The following HOXA3 variants were observed in gnomAD, a reference collection of about 807,000 sequenced individuals.
HOXA3 encodes the protein homeobox A3.
In HOXA3, 8 loss-of-function variants were observed where a neutral mutation model predicts 30.3. The ratio of observed to expected loss-of-function variants is 0.26; its 90% CI spans 0.15 to 0.48. The LOEUF (loss-of-function observed/expected upper bound fraction) is 0.48, where lower values mean the gene tolerates loss of function less well. HOXA3 is among the 20% of genes least tolerant of loss of function. HOXA3 has a pLI of 0.99. For synonymous variants in HOXA3, 323 were observed against 273.1 expected (o/e 1.18, Z -1.80); for missense variants, 653 against 614.4 (o/e 1.06, Z -0.66).
In HOXA3 at chr7:27,108,651, G is replaced by T; in HGVS notation, c.596C>A (p.Thr199Lys). The T allele has an allele frequency of 6.2e-7, 1 of 1,613,986 alleles. No individual in the cohort carries two copies. The highest frequency in any genetic ancestry group is 8.5e-7 in the Non-Finnish European group (1 of 1,179,932). Residue 199 changes from threonine (T) to lysine (K), a missense_variant, in exon 6 of 6, where the codon ACG becomes AAG. By Grantham distance (78) the Thr-to-Lys change is moderately conservative. Coordinates refer to ENST00000612286, the MANE Select transcript of HOXA3 (RefSeq NM_153631.3). This position sits in a 1 kb window ranked among gnomAD's most constrained non-coding sequence, Gnocchi z 5.0. ...ASSKRARTAY[T>K]SAQLVELEKE... ...CTCCAGCTCCACCAGCTGCGCGCTCGTGTAGGCCGTGCGCGCGCGCTTGGA... is the reference window on the plus strand; with the variant it reads ...CTCCAGCTCCACCAGCTGCGCGCTCTTGTAGGCCGTGCGCGCGCGCTTGGA...
intron 4 of HOXA3, chr7:27,120,883 T>C (rs1326821831): frequency 6.6e-6 from 1 of 152,210 alleles, no homozygotes; most frequent in Non-Finnish European, 1.5e-5. Context: ...TGCAATCCAG[T>C]TTCCTGGAGC....
intron 4 of HOXA3, chr7:27,114,032 G>A (rs1231370568): frequency 6.6e-6 from 1 of 151,654 alleles, no homozygotes; most frequent in Non-Finnish European, 1.5e-5. Flanking sequence ...AGCAGCGTCT[G>A]GTCCGGGGGT....
At position 27,108,381 on chromosome 7, in the gene HOXA3, T is replaced by G; in HGVS notation, c.866A>C (p.Tyr289Ser). 6.3e-7 allele frequency: 1 copy of G among 1,587,536 alleles called. No individual in the cohort carries two copies. The highest frequency in any genetic ancestry group is 1.7e-4 in the Middle Eastern group (1 of 5,972). The change falls in exon 6 of 6, where the codon TAT becomes TCT. Residue 289 changes from tyrosine to serine, a missense_variant. Coordinates refer to ENST00000612286, the MANE Select transcript of HOXA3 (RefSeq NM_153631.3). This position sits in a 1 kb window ranked among gnomAD's most constrained non-coding sequence, Gnocchi z 5.0. ...SMHSLVNSVP[Y>S]EPQSPPPFSK... ...GAAGGGCGGGGGCGACTGGGGCTCA[T>G]ACGGGACGCTGTTGACCAGCGAATG...
intron 3 of HOXA3, among the ~76,000 whole-genome samples, chr7:27,125,522 C>T (rs968136443): frequency 2.6e-5 from 4 of 152,234 alleles, no homozygotes; most frequent in Non-Finnish European, 5.9e-5. Flanking sequence ...ACAGAACACA[C>T]GTCTCTTCCT....
chr7:27,142,438 T>C (rs1020974934), intron 1 of HOXA3, among the ~76,000 whole-genome samples: 1 of 152,162 alleles, frequency 6.6e-6, no homozygotes, highest in Non-Finnish European at 1.5e-5. Context: ...GGCCCTTTCC[T>C]GAGCGCCCAA....
At chr7:27,143,000 G>A (rs1196945283) in intron 1 of HOXA3, 7 of 1,459,216 alleles carry the variant, frequency 4.8e-6, no homozygotes, top group Non-Finnish European at 5.5e-6. Context: ...GGGACCGAGA[G>A]CCGCGTCCCC....
intron 3 of HOXA3, among the ~76,000 whole-genome samples, chr7:27,126,437 T>C (rs1785286417): frequency 6.8e-6 from 1 of 147,440 alleles, no homozygotes; most frequent in Non-Finnish European, 1.5e-5. Flanking sequence ...CCAGTAGGGT[T>C]TGCTTAAAAA....
chr7:27,123,531 G>C (rs1226360742), intron 3 of HOXA3: 1 of 152,720 alleles, frequency 6.5e-6, no homozygotes, highest in African/African-American at 2.4e-5. Context: ...AGAATCGTCC[G>C]CTCGCCGGAC....
intron 1 of HOXA3, chr7:27,143,775 G>T: frequency 7.7e-7 from 1 of 1,306,108 alleles, no homozygotes; most frequent in Non-Finnish European, 1.0e-6. Context: ...TGCTTTTGTT[G>T]TCCAGTCGTA....
intron 1 of HOXA3, chr7:27,145,611 C>T: frequency 6.3e-7 from 1 of 1,580,174 alleles, no homozygotes; most frequent in Non-Finnish European, 8.6e-7. Context: ...GGCAAGGGGG[C>T]AAAGCCGAAG....
intron 1 of HOXA3, chr7:27,143,764 G>C: frequency 7.3e-7 from 1 of 1,360,816 alleles, no homozygotes; most frequent in Non-Finnish European, 9.6e-7. Flanking sequence ...TTCGAATCAC[G>C]TGCTTTTGTT....
chr7:27,129,423 A>C lies in HOXA3; in HGVS notation c.-389-2353T>G, dbSNP rs903371916. On this transcript the variant is annotated intron_variant, in intron 2 of 5. Coordinates refer to ENST00000612286, the MANE Select transcript of HOXA3 (RefSeq NM_153631.3). ...GAAACCAGATCTTGACCTGGCGCTCAGACAAACAGAGCGTGTGGGCGATCT... is the reference window on the plus strand; with the variant it reads ...GAAACCAGATCTTGACCTGGCGCTCCGACAAACAGAGCGTGTGGGCGATCT... 1.9e-6 allele frequency: 3 copies of C among 1,613,976 alleles called. No individual in the cohort carries two copies. The African/African-American group carries it at 4.0e-5, about 22-fold the overall frequency.
rs1784522687 is a variant in HOXA3, at chr7:27,113,870, A to ACCCCCCCCCCGCCCCCCCCCCCCCCC, written c.-120-3111_-120-3110insGGGGGGGGGGGGGGGCGGGGGGGGGG. 1.2e-5 allele frequency: 1 copy of ACCCCCCCCCCGCCCCCCCCCCCCCCC among 83,168 alleles called. No individual in the cohort carries two copies. The highest frequency in any genetic ancestry group is 4.5e-5 in the African/African-American group (1 of 22,206). The allele number at this position is 83,168 out of a possible 1,614,324, so 5.2% of individuals were successfully genotyped here. On this transcript the variant is annotated intron_variant, in intron 4 of 5. Transcript: ENST00000612286. This position sits in a 1 kb window ranked among gnomAD's most constrained non-coding sequence, Gnocchi z 4.8. ...GGCGGCTTGGACCCCCCTCCCACCC[A>ACCCCCCCCCCGCCCCCCCCCCCCCCC]CCCCACCCACCCACCCCTCCCCCAC...
Position 27,152,468 on chromosome 7 carries a change from C to T in HOXA3, c.-674G>A. On this transcript the variant is annotated 5_prime_UTR_variant, in exon 1 of 6. An upstream open reading frame in the 5' UTR gains an earlier in-frame stop. Coordinates refer to ENST00000612286, the MANE Select transcript of HOXA3 (RefSeq NM_153631.3). ...GCGCCCAATCTCCAGCGGGAGCCGC[C>T]AGGCCTGGCCTGGCCGGGGCTTCCC... 2.6e-6 allele frequency: 3 copies of T among 1,153,672 alleles called. No homozygotes were observed. The highest frequency in any genetic ancestry group is 1.7e-5 in the South Asian group (1 of 60,156). The allele number at this position is 1,153,672 out of a possible 1,614,324, so 71.5% of individuals were successfully genotyped here.
chr7:27,144,587 C>G (rs976032808), intron 1 of HOXA3, among the ~76,000 whole-genome samples: 4 of 152,186 alleles, frequency 2.6e-5, no homozygotes. Context: ...TCTCCTTGAA[C>G]CCAGCGAGTG....
chr7:27,140,033 A>AGAGAGAGAGAGAGAGAGAGAGAG (rs1281735462), intron 2 of HOXA3, 50 bp downstream of exon 2: 38 of 118,854 alleles, frequency 3.2e-4, no homozygotes, highest in African/African-American at 8.0e-4. Flanking sequence ...GAGAGAGAGA[A>AGAGAGAGAGAGAGAGAGAGAGAG]AGTTTCCAAA....
chr7:27,140,280 A>T (rs1782519653), intron 1 of HOXA3, 94 bp from the exon 2 acceptor site: 1 of 152,154 alleles, frequency 6.6e-6, no homozygotes. Flanking sequence ...CATAAAACTT[A>T]CTTTAATGGC....
At chr7:27,138,309 T>A (rs1434183669) in intron 2 of HOXA3, among the ~76,000 whole-genome samples, 1 of 152,264 alleles carries the variant, frequency 6.6e-6, no homozygotes, top group Admixed American at 6.5e-5. Flanking sequence ...TTCTAGGTTT[T>A]GCTTTCTGGA....
chr7:27,147,655 T>C (rs754568432), intron 1 of HOXA3: 2 of 1,614,186 alleles, frequency 1.2e-6, no homozygotes, highest in South Asian at 1.1e-5. Context: ...CAGCGCGTCA[T>C]AGCCAGCCTG....
Sources: allele counts gnomAD v4.1 joint callset (sites outside exome capture counted in the v4.1 genomes callset), GRCh38; gene constraint gnomAD v4.1.1; non-coding constraint Gnocchi (gnomAD v3.1); transcripts MANE v1.5; gene names NCBI Gene and HGNC (gene_info 2026-07-23, HGNC 2026-07-21).